Variants in INTS8 observed in about 807,000 individuals in gnomAD.
INTS8 encodes the protein protein kaonashi-1.
In INTS8, 47 loss-of-function variants were observed where a neutral mutation model predicts 138.9. The observed-to-expected ratio is 0.34, with a 90% CI of 0.27 to 0.43. INTS8 has a LOEUF of 0.43. INTS8 is among the 20% of genes least tolerant of loss of function. INTS8 has a pLI of 1.00. For synonymous variants in INTS8, 392 were observed against 400.9 expected, an observed-to-expected ratio of 0.98 and a Z score of 0.27; for missense variants, 996 against 1,173.0, an observed-to-expected ratio of 0.85 and a Z score of 2.20.
chr8:94,866,315 C>T (rs542242299), intron 18 of INTS8, 124 bp downstream of exon 18: 1 of 649,048 alleles, frequency 1.5e-6, no homozygotes, highest in Admixed American at 2.2e-5. Context: ...TTTTAAGGGA[C>T]AGGGTCTTGA....
chr8:94,850,682 T>C (rs573148994), intron 12 of INTS8, among the ~76,000 whole-genome samples: 25 of 150,554 alleles, frequency 1.7e-4, no homozygotes, highest in African/African-American at 5.4e-4. Flanking sequence ...AGTATGTTCA[T>C]GGAGGTAAAA....
intron 20 of INTS8, among the ~76,000 whole-genome samples, chr8:94,869,740 C>T (rs1816322101): frequency 6.6e-6 from 1 of 152,164 alleles, no homozygotes; most frequent in South Asian, 2.1e-4. Context: ...ATCTGCCTAC[C>T]TCGGCCTCCC....
chr8:94,858,736 CT>C (rs1815844385), intron 15 of INTS8, among the ~76,000 whole-genome samples: 1 of 152,186 alleles, frequency 6.6e-6, no homozygotes, highest in African/African-American at 2.4e-5. Context: ...AGAACTATGA[CT>C]GTACTCCAGC....
intron 6 of INTS8, among the ~76,000 whole-genome samples, chr8:94,836,172 G>A (rs1410870639): frequency 2.0e-5 from 3 of 152,094 alleles, no homozygotes; most frequent in Admixed American, 2.0e-4. Context: ...GGGTGGCTAT[G>A]GGTGACAGGA....
chr8:94,868,333 T>C (rs1278273630), intron 20 of INTS8, among the ~76,000 whole-genome samples: 1 of 152,222 alleles, frequency 6.6e-6, no homozygotes, highest in Non-Finnish European at 1.5e-5. Context: ...TTATTACTCT[T>C]AGTGGCATCT....
At chr8:94,847,914 G>A (rs1815388515) in intron 10 of INTS8, among the ~76,000 whole-genome samples, 1 of 151,926 alleles carries the variant, frequency 6.6e-6, no homozygotes, top group Admixed American at 6.6e-5. Context: ...TAGAATGTAA[G>A]TGTATAATAC....
chr8:94,876,291 C>G lies in INTS8; in HGVS notation c.2827+6C>G, dbSNP rs1407400149. 6.3e-7 allele frequency: 1 copy of G among 1,599,374 alleles called. No individual in the cohort carries two copies. Among genetic ancestry groups the G allele is most frequent in the Non-Finnish European group, 8.6e-7 (1 of 1,167,306 alleles). ...CATTTTGGAATACTTGACTTGTATCCTTTCATCCATGTGTGTGATGTTAGA... is the reference window on the plus strand; with the variant it reads ...CATTTTGGAATACTTGACTTGTATCGTTTCATCCATGTGTGTGATGTTAGA... On this transcript the variant is annotated splice_donor_region_variant and intron_variant, in intron 25 of 26. Coordinates refer to ENST00000523731, the MANE Select transcript of INTS8 (RefSeq NM_017864.4).
At chr8:94,843,296 A>G (rs866876959) in intron 10 of INTS8, among the ~76,000 whole-genome samples, 9 of 152,098 alleles carry the variant, frequency 5.9e-5, no homozygotes, top group African/African-American at 1.9e-4. Context: ...GCCTGGGTGC[A>G]GTGGCTCACA....
At chr8:94,850,829 A>AT (rs920118288) in intron 12 of INTS8, among the ~76,000 whole-genome samples, 186 of 151,302 alleles carry the variant, frequency 1.2e-3, no homozygotes, top group Non-Finnish European at 1.8e-3. Flanking sequence ...GCCTTGTTTG[A>AT]TTTTTTTTTC....
In INTS8 at chr8:94,823,425, G is replaced by A. The variant is rs1814355297; in HGVS notation, c.-7G>A. The A allele has an allele frequency of 6.6e-7, 1 of 1,523,592 alleles. No homozygotes were observed. The highest frequency in any genetic ancestry group is 1.7e-4 in the Middle Eastern group (1 of 5,722). 94.4% of individuals were successfully genotyped at this position (1,523,592 alleles called of 1,614,324 possible). ...GCGGCCCTGGTGGTAGCGGCGGCGG[G>A]GGCAGGATGAGCGCGGAGGCGGCGG... On this transcript the variant is annotated 5_prime_UTR_variant, in exon 1 of 27. Transcript: ENST00000523731.
rs1816800838 is a variant in INTS8, at chr8:94,881,323, C to T, written c.*1089C>T. On this transcript the variant is annotated 3_prime_UTR_variant, in exon 27 of 27. Transcript: ENST00000523731. Reference sequence around the variant, plus strand: ...AAAATTCCTAGTTTATCAAGATAAACACAGTAACACTGGATTAAAGGAAAA... The same window carrying T: ...AAAATTCCTAGTTTATCAAGATAAATACAGTAACACTGGATTAAAGGAAAA... 2 of 378,028 alleles carry T rather than the reference C, an allele frequency of 5.3e-6. No individual in the cohort carries two copies. The highest frequency in any genetic ancestry group is 9.4e-6 in the Non-Finnish European group (2 of 213,362). 23.4% of individuals were successfully genotyped at this position (378,028 alleles called of 1,614,324 possible).
In INTS8 at chr8:94,853,855, T is replaced by A. The variant is rs755864294; in HGVS notation, c.1692T>A (p.Asn564Lys). The A allele has an allele frequency of 8.1e-6, 13 of 1,612,496 alleles. 1 individual carries two copies. In the South Asian group the frequency reaches 1.4e-4, roughly 18 times the overall value. Residue 564 changes from asparagine to lysine, a missense_variant, in exon 14 of 27, where the codon AAT becomes AAA. By Grantham distance (94) the Asn-to-Lys change is moderately conservative (BLOSUM62 0). Coordinates refer to ENST00000523731, the MANE Select transcript of INTS8 (RefSeq NM_017864.4). The stretch of plus-strand genomic sequence containing the variant: ...GTGTTATCCTGGGAATTAAAGACAA[T>A]TTAACAAGAGATTTGGTTTATATTC... ...YSGVILGIKD[N>K]LTRDLVYILM...
Position 94,823,288 on chromosome 8 carries a change from C to G in INTS8, c.-144C>G, listed in dbSNP as rs1814344847. 1 of 1,520,106 alleles carries G rather than the reference C, an allele frequency of 6.6e-7. No homozygotes were observed. The highest frequency in any genetic ancestry group is 1.4e-5 in the African/African-American group (1 of 72,596). 94.2% of individuals were successfully genotyped at this position (1,520,106 alleles called of 1,614,324 possible). ...CCGCAGCTCCGGCTGGCCCGCGCCG[C>G]CATTTTGGATTGTGTGAGTTTCCGG... On this transcript the variant is annotated 5_prime_UTR_variant, in exon 1 of 27. Transcript: ENST00000523731.
chr8:94,844,818 T>C (rs1815273280), intron 10 of INTS8, among the ~76,000 whole-genome samples: 1 of 151,424 alleles, frequency 6.6e-6, no homozygotes, highest in African/African-American at 2.4e-5. Flanking sequence ...AGTGCTGTGA[T>C]CTCAGTTCAC....
chr8:94,858,727 G>A (rs1010632814), intron 15 of INTS8, among the ~76,000 whole-genome samples: 1 of 152,216 alleles, frequency 6.6e-6, no homozygotes, highest in African/African-American at 2.4e-5. Flanking sequence ...GGAAGAGACA[G>A]AACTATGACT....
intron 10 of INTS8, among the ~76,000 whole-genome samples, chr8:94,843,641 G>T (rs4735310): frequency 0.74 from 112,990 of 151,976 alleles, 42,059 homozygotes; most frequent in Middle Eastern, 0.79. Flanking sequence ...ACATTTGTGT[G>T]TTTTATAGTT....
intron 11 of INTS8, 74 bp downstream of exon 11, chr8:94,849,606 T>G (rs1430797782): frequency 3.3e-6 from 3 of 918,492 alleles, no homozygotes; most frequent in African/African-American, 1.7e-5. Flanking sequence ...ATATCTGTAT[T>G]ATCTTTTGTT....
At chr8:94,867,510 A>G in intron 20 of INTS8, 173 bp downstream of exon 20, 1 of 540,728 alleles carries the variant, frequency 1.8e-6, no homozygotes, top group Non-Finnish European at 3.2e-6. Flanking sequence ...AATTGTGGAT[A>G]AGGCATAACC....
At chr8:94,861,056 CAAAAAA>C (rs1195647511) in intron 16 of INTS8, among the ~76,000 whole-genome samples, 1 of 99,756 alleles carries the variant, frequency 1.0e-5, no homozygotes, top group African/African-American at 3.9e-5. Context: ...GACTCTGTCT[CAAAAAA>C]AAAAAAAAAA....
Sources: gnomAD v4.1 joint callset for allele counts (sites outside exome capture counted in the v4.1 genomes callset) on GRCh38, gnomAD v4.1.1 for gene constraint, MANE v1.5 for transcripts, NCBI Gene and HGNC (gene_info 2026-07-23, HGNC 2026-07-21) for gene names.